Variants in EPG5 observed in about 807,000 individuals in gnomAD.
EPG5 encodes the protein ectopic P granules protein 5 homolog.
EPG5 carries 159 observed loss-of-function variants against 302.7 expected under a neutral mutation model. The observed-to-expected ratio is 0.53, with a 90% CI of 0.46 to 0.60. The LOEUF (loss-of-function observed/expected upper bound fraction) is 0.60, where lower values mean the gene tolerates loss of function less well. EPG5 is among the 20% of genes least tolerant of loss of function. The pLI, the probability that EPG5 is intolerant of heterozygous loss-of-function variation, is 0.00. For missense variants in EPG5, 2,896 were observed against 3,092.4 expected (o/e 0.94, Z 1.51); for synonymous variants, 1,158 against 1,136.8 (o/e 1.02, Z -0.37).
intron 3 of EPG5, 55 bp downstream of exon 3, chr18:45,952,345 C>T (rs1358560829): frequency 1.9e-6 from 3 of 1,593,058 alleles, no homozygotes; most frequent in Admixed American, 1.7e-5. Context: ...AGGCTATACC[C>T]CTCAATTTTT....
At chr18:45,956,628 T>C (rs2051038912) in intron 1 of EPG5, among the ~76,000 whole-genome samples, 2 of 152,022 alleles carry the variant, frequency 1.3e-5, no homozygotes, top group Non-Finnish European at 2.9e-5. Flanking sequence ...GTATTTTTAG[T>C]AGAGACGGGG....
chr18:45,809,740 C>T, the EPG5 span, among the ~76,000 whole-genome samples: 1 of 152,178 alleles, frequency 6.6e-6, no homozygotes, highest in African/African-American at 2.4e-5. Flanking sequence ...GAGGAAAGTT[C>T]ATAGCCCTAA....
the EPG5 span, chr18:45,838,799 C>T: frequency 1.3e-6 from 2 of 1,558,912 alleles, no homozygotes; most frequent in Admixed American, 1.8e-5. Flanking sequence ...GAAGGGGAGC[C>T]GCCGCCCGCC....
intron 14 of EPG5, 69 bp downstream of exon 14, chr18:45,925,669 G>C (rs1350276271): frequency 8.0e-7 from 1 of 1,257,226 alleles, no homozygotes; most frequent in African/African-American, 1.5e-5. Context: ...TTAGTGTTTT[G>C]ACAAAATCCT....
intron 12 of EPG5, among the ~76,000 whole-genome samples, chr18:45,929,469 C>T (rs2050350913): frequency 6.6e-6 from 1 of 152,008 alleles, no homozygotes; most frequent in South Asian, 2.1e-4. Flanking sequence ...ATGTTACAAT[C>T]CATTAATGCC....
chr18:45,916,229 A>G (rs1330695419), intron 18 of EPG5, 23 bp from the exon 19 acceptor site: 1 of 1,590,470 alleles, frequency 6.3e-7, no homozygotes, highest in South Asian at 1.1e-5. Flanking sequence ...GGCTCATGTG[A>G]TGGGAAAGAT....
At chr18:45,878,982 C>T (rs1168020831) in intron 33 of EPG5, 31 bp downstream of exon 33, 1 of 1,585,046 alleles carries the variant, frequency 6.3e-7, no homozygotes, top group Middle Eastern at 1.7e-4. Flanking sequence ...GTCCAAACAC[C>T]TAGCTCCACA....
chr18:45,840,242 G>A, the EPG5 span: 3 of 1,611,598 alleles, frequency 1.9e-6, no homozygotes, highest in South Asian at 2.2e-5. Flanking sequence ...CCCCACCACG[G>A]TAAGTGAGCT....
the EPG5 span, chr18:45,839,185 T>A: frequency 1.5e-6 from 2 of 1,322,710 alleles, no homozygotes; most frequent in Non-Finnish European, 1.9e-6. Context: ...CCCCTGGCAC[T>A]GCCAGAATGT....
intron 1 of EPG5, among the ~76,000 whole-genome samples, chr18:45,957,735 A>C (rs2051063034): frequency 6.6e-6 from 1 of 152,174 alleles, no homozygotes; most frequent in South Asian, 2.1e-4. Context: ...TATGTGTCTG[A>C]TTTGTTGCTA....
In EPG5 at chr18:45,850,914, G is replaced by A. The variant is rs573125013; in HGVS notation, c.*1553C>T. 1.3e-5 allele frequency: 2 copies of A among 152,616 alleles called. No homozygotes were observed. The highest frequency in any genetic ancestry group is 4.1e-4 in the South Asian group (2 of 4,828). The allele number at this position is 152,616 out of a possible 1,614,324, so 9.5% of individuals were successfully genotyped here. ...TGATTAATTTTGAAAACGGAGAGAA[G>A]CAAAAATAAGAAAAGCTGAGACAGA... is the stretch of plus-strand genomic sequence containing the variant. On this transcript the variant is annotated 3_prime_UTR_variant, in exon 44 of 44. Transcript: ENST00000282041.
chr18:45,917,569 G>A (rs775858755), intron 17 of EPG5, 110 bp downstream of exon 17: 207 of 1,344,846 alleles, frequency 1.5e-4, no homozygotes, highest in Non-Finnish European at 1.9e-4. Flanking sequence ...CCCATAATAC[G>A]CTGTTGAAAT....
At chr18:45,837,983 G>T in the EPG5 span, 4 of 1,380,646 alleles carry the variant, frequency 2.9e-6, no homozygotes, top group Non-Finnish European at 3.7e-6. Context: ...GCCAGGCGCT[G>T]TGCTGAGCCA....
chr18:45,813,510 C>G, the EPG5 span, among the ~76,000 whole-genome samples: 175 of 152,266 alleles, frequency 1.1e-3, no homozygotes, highest in African/African-American at 3.9e-3. Flanking sequence ...AGACTTGGAA[C>G]CAACCCAAAT....
chr18:45,858,481 G>T, intron 41 of EPG5, 85 bp downstream of exon 41: 1 of 1,011,512 alleles, frequency 9.9e-7, no homozygotes, highest in Non-Finnish European at 1.5e-6. Flanking sequence ...TCTTGGTTCT[G>T]TGTACTTAAA....
chr18:45,953,424 A>G, intron 2 of EPG5: 1 of 985,320 alleles, frequency 1.0e-6, no homozygotes, highest in Non-Finnish European at 1.2e-6. Flanking sequence ...GTATTTCCAA[A>G]TATTTCCCTC....
chr18:45,949,383 C>T (rs1436103793), intron 5 of EPG5, 101 bp downstream of exon 5: 6 of 641,100 alleles, frequency 9.4e-6, no homozygotes, highest in African/African-American at 3.7e-5. Context: ...AAATATTACT[C>T]TTTTTTAAAT....
rs764623551 is a variant in EPG5, at chr18:45,857,945, A to G, written c.7350T>C (p.Val2450=). The G allele has an allele frequency of 5.6e-6, 9 of 1,613,154 alleles. No homozygotes were observed. In the South Asian group the frequency reaches 9.9e-5, roughly 18 times the overall value. ...TESVIRILLL[V]QSRQNLVAEE... Reference sequence around the variant, plus strand: ...CAGCCACGAGGTTCTGCCTGCTCTGAACCAAGAGCAGAATTCGAATGACAG... The same window carrying G: ...CAGCCACGAGGTTCTGCCTGCTCTGGACCAAGAGCAGAATTCGAATGACAG... Residue 2450 remains valine (V), a synonymous_variant, in exon 42 of 44, where the codon GTT becomes GTC. Coordinates refer to ENST00000282041, the MANE Select transcript of EPG5 (RefSeq NM_020964.3).
chr18:45,856,627 G>T (rs921858250), intron 42 of EPG5, among the ~76,000 whole-genome samples: 1 of 152,208 alleles, frequency 6.6e-6, no homozygotes, highest in Non-Finnish European at 1.5e-5. Context: ...AAATCTCGCA[G>T]TCCTGCTATC....
Sources: gnomAD v4.1 joint callset for allele counts (sites outside exome capture counted in the v4.1 genomes callset) on GRCh38, gnomAD v4.1.1 for gene constraint, MANE v1.5 for transcripts, NCBI Gene and HGNC (gene_info 2026-07-23, HGNC 2026-07-21) for gene names.